Variants in CMKLR2 observed in about 807,000 individuals in gnomAD.
The protein encoded by CMKLR2 is chemerin chemokine-like receptor 2, also known as chemerin-like receptor 2.
CMKLR2 carries 18 observed loss-of-function variants against 23.0 expected under a neutral mutation model. That is an observed-to-expected ratio of 0.78 (90% CI 0.54 to 1.16). The LOEUF (loss-of-function observed/expected upper bound fraction) is 1.16. Among genes scored for constraint, CMKLR2 ranks in the 50% most tolerant of loss-of-function variants. The pLI is 0.00. For synonymous variants in CMKLR2, 158 were observed against 158.9 expected, an observed-to-expected ratio of 0.99 and a Z score of 0.05; for missense variants, 401 against 412.7, an observed-to-expected ratio of 0.97 and a Z score of 0.25.
intron 1 of CMKLR2, among the ~76,000 whole-genome samples, chr2:206,208,793 C>T (rs1183798620): frequency 1.3e-5 from 2 of 152,086 alleles, no homozygotes; most frequent in Middle Eastern, 3.4e-3. Flanking sequence ...GCCTCAGCTC[C>T]CTAAGTAGCT....
At chr2:206,214,756 T>C (rs1335448306), upstream of CMKLR2, among the ~76,000 whole-genome samples, 5 of 152,008 alleles carry the variant, frequency 3.3e-5, no homozygotes, top group African/African-American at 1.2e-4. Flanking sequence ...CCCGAGTAGC[T>C]GGGACTGCAG....
At chr2:206,204,101 C>T (rs899082021) in intron 1 of CMKLR2, among the ~76,000 whole-genome samples, 3 of 152,048 alleles carry the variant, frequency 2.0e-5, no homozygotes, top group African/African-American at 7.2e-5. Flanking sequence ...GCCTGTAATC[C>T]CAGCACTTTG....
At chr2:206,199,793 G>T (rs571656491) in intron 1 of CMKLR2, among the ~76,000 whole-genome samples, 1 of 151,864 alleles carries the variant, frequency 6.6e-6, no homozygotes, top group African/African-American at 2.4e-5. Flanking sequence ...ATGGGGTTTT[G>T]TCATGTTGGC....
At chr2:206,188,601 T>C (rs1688654091) in intron 1 of CMKLR2, among the ~76,000 whole-genome samples, 1 of 152,172 alleles carries the variant, frequency 6.6e-6, no homozygotes, top group African/African-American at 2.4e-5. Context: ...ATGCTTGGTG[T>C]GAAGCAAAGT....
At chr2:206,201,061 C>G (rs1350853848) in intron 1 of CMKLR2, among the ~76,000 whole-genome samples, 1 of 152,088 alleles carries the variant, frequency 6.6e-6, no homozygotes, top group Non-Finnish European at 1.5e-5. Context: ...AAGGGATCTT[C>G]CCACTGTAGC....
chr2:206,210,926 T>A lies in CMKLR2; in HGVS notation c.-29+2381A>T, dbSNP rs371329637. 5.2e-3 allele frequency among the ~76,000 whole-genome samples: 795 copies of A among 152,302 alleles called. 9 individuals are homozygous for A. Among genetic ancestry groups the A allele is most frequent in the African/African-American group, 0.018 (768 of 41,556 alleles). On this transcript the variant is annotated intron_variant, in intron 1 of 1. Coordinates refer to ENST00000621141, the MANE Select transcript of CMKLR2 (RefSeq NM_001389445.1). ...GTTTTGTGAAAAATTAAGGATATCATATCTATATGCTATTTTTTTCTAGGT... is the reference window on the plus strand; with the variant it reads ...GTTTTGTGAAAAATTAAGGATATCAAATCTATATGCTATTTTTTTCTAGGT...
chr2:206,215,787 C>T (rs1176783765), upstream of CMKLR2, among the ~76,000 whole-genome samples: 1 of 152,168 alleles, frequency 6.6e-6, no homozygotes, highest in East Asian at 1.9e-4. Flanking sequence ...AGCCACCTGC[C>T]ACCTCTGAGC....
chr2:206,200,702 GA>G (rs1299071607), intron 1 of CMKLR2, among the ~76,000 whole-genome samples: 2 of 152,062 alleles, frequency 1.3e-5, no homozygotes, highest in African/African-American at 4.8e-5. Flanking sequence ...GGCCCCAAGA[GA>G]TCCTCCCTTT....
chr2:206,194,139 C>T (rs1297397332), intron 1 of CMKLR2, among the ~76,000 whole-genome samples: 2 of 152,046 alleles, frequency 1.3e-5, no homozygotes, highest in East Asian at 1.9e-4. Flanking sequence ...GTTCATTATC[C>T]GGAGAGGTAA....
chr2:206,191,721 G>A (rs1342729457), intron 1 of CMKLR2, among the ~76,000 whole-genome samples: 1 of 146,040 alleles, frequency 6.8e-6, no homozygotes, highest in African/African-American at 2.5e-5. Context: ...AGGCTGTAGT[G>A]TAGTGGTGTG....
chr2:206,179,945 A>G (rs957893531), intron 1 of CMKLR2, among the ~76,000 whole-genome samples: 2 of 152,120 alleles, frequency 1.3e-5, no homozygotes, highest in Non-Finnish European at 2.9e-5. Context: ...TGAATTCATC[A>G]TCCTACCTAA....
chr2:206,192,146 T>A (rs1205144663), intron 1 of CMKLR2, among the ~76,000 whole-genome samples: 1 of 151,648 alleles, frequency 6.6e-6, no homozygotes, highest in East Asian at 1.9e-4. Context: ...CCAGGCCTAC[T>A]TTTTGTATTT....
chr2:206,209,348 A>C (rs906253545), intron 1 of CMKLR2, among the ~76,000 whole-genome samples: 5 of 152,168 alleles, frequency 3.3e-5, no homozygotes, highest in Admixed American at 2.6e-4. Context: ...CCAAAAAAAA[A>C]AAAAGCACTT....
At chr2:206,188,282 C>T (rs897432468) in intron 1 of CMKLR2, among the ~76,000 whole-genome samples, 7 of 152,124 alleles carry the variant, frequency 4.6e-5, no homozygotes, top group African/African-American at 1.4e-4. Flanking sequence ...TCATTAAACA[C>T]GCAGGATCAA....
chr2:206,193,644 A>G (rs968166707), intron 1 of CMKLR2, among the ~76,000 whole-genome samples: 5 of 152,220 alleles, frequency 3.3e-5, no homozygotes, highest in African/African-American at 1.2e-4. Context: ...ATCGTAACGT[A>G]ACAAAGGACT....
At chr2:206,205,525 G>C (rs1348252256) in intron 1 of CMKLR2, among the ~76,000 whole-genome samples, 1 of 150,798 alleles carries the variant, frequency 6.6e-6, no homozygotes, top group East Asian at 2.0e-4. Context: ...ACCACACCCG[G>C]CTAATTTTTT....
chr2:206,197,101 G>A (rs111345667), intron 1 of CMKLR2, among the ~76,000 whole-genome samples: 1 of 152,084 alleles, frequency 6.6e-6, no homozygotes, highest in Non-Finnish European at 1.5e-5. Flanking sequence ...GTAGAGACGG[G>A]GTTTCACCAT....
intron 1 of CMKLR2, among the ~76,000 whole-genome samples, chr2:206,177,507 C>A (rs1688271947): frequency 6.6e-6 from 1 of 152,044 alleles, no homozygotes; most frequent in African/African-American, 2.4e-5. Context: ...CTACCTCAGC[C>A]ACCCCAATAA....
chr2:206,214,088 A>G (rs1301148538), upstream of CMKLR2, among the ~76,000 whole-genome samples: 2 of 150,258 alleles, frequency 1.3e-5, no homozygotes, highest in East Asian at 3.9e-4. Context: ...TCCTGACCTC[A>G]GGTGATCCAC....
Sources: allele counts gnomAD v4.1 joint callset (sites outside exome capture counted in the v4.1 genomes callset), GRCh38; gene constraint gnomAD v4.1.1; transcripts MANE v1.5; gene names NCBI Gene and HGNC (gene_info 2026-07-23, HGNC 2026-07-21).